Variants in NEGR1 observed in about 807,000 individuals in gnomAD.
The protein encoded by NEGR1 is IgLON family member 4.
A neutral mutation model predicts 40.9 loss-of-function variants in NEGR1; 10 were observed. The ratio of observed to expected loss-of-function variants is 0.24; its 90% CI spans 0.15 to 0.42. NEGR1 has a LOEUF of 0.42. Among genes scored for constraint, NEGR1 ranks in the 10% least tolerant of loss-of-function variants. The pLI, the probability that NEGR1 is intolerant of heterozygous loss-of-function variation, is 1.00. For synonymous variants in NEGR1, 185 were observed against 166.8 expected, an observed-to-expected ratio of 1.11 and a Z score of -0.84; for missense variants, 352 against 438.9, an observed-to-expected ratio of 0.80 and a Z score of 1.77.
At chr1:72,262,188 A>G (rs1321339783) in intron 1 of NEGR1, among the ~76,000 whole-genome samples, 1 of 151,980 alleles carries the variant, frequency 6.6e-6, no homozygotes, top group Non-Finnish European at 1.5e-5. Context: ...AGTGGCCAAC[A>G]AAGCCAGAAT....
chr1:72,025,116 T>C (rs1468796669), intron 1 of NEGR1, among the ~76,000 whole-genome samples: 1 of 152,204 alleles, frequency 6.6e-6, no homozygotes, highest in East Asian at 1.9e-4. Flanking sequence ...TTTTAAGGAA[T>C]ACTTTTCAGT....
intron 6 of NEGR1, among the ~76,000 whole-genome samples, chr1:71,451,947 T>G (rs1306998161): frequency 4.6e-5 from 7 of 152,162 alleles, no homozygotes; most frequent in Admixed American, 2.6e-4. Context: ...GTTACATACT[T>G]TTGCACCCAC....
intron 1 of NEGR1, among the ~76,000 whole-genome samples, chr1:72,154,043 T>C (rs1393141699): frequency 6.6e-6 from 1 of 151,658 alleles, no homozygotes; most frequent in African/African-American, 2.4e-5. Flanking sequence ...GTTGAATGAG[T>C]GGAGACAGCA....
intron 6 of NEGR1, among the ~76,000 whole-genome samples, chr1:71,494,184 G>A (rs1266691720): frequency 2.0e-5 from 3 of 152,154 alleles, no homozygotes; most frequent in Non-Finnish European, 4.4e-5. Flanking sequence ...CACTTAACAA[G>A]GTGATTTATG....
At chr1:71,765,248 A>G (rs1656081638) in intron 3 of NEGR1, among the ~76,000 whole-genome samples, 1 of 152,142 alleles carries the variant, frequency 6.6e-6, no homozygotes, top group South Asian at 2.1e-4. Flanking sequence ...AACTTGAATG[A>G]ATTGGGCTAC....
chr1:71,959,726 A>G (rs967692312), intron 1 of NEGR1, among the ~76,000 whole-genome samples: 5 of 151,988 alleles, frequency 3.3e-5, no homozygotes, highest in African/African-American at 1.2e-4. Flanking sequence ...ACTTCTATGT[A>G]TTTTTTCATA....
At chr1:72,217,981 A>C (rs189018695) in intron 1 of NEGR1, among the ~76,000 whole-genome samples, 9 of 151,978 alleles carry the variant, frequency 5.9e-5, no homozygotes, top group African/African-American at 1.7e-4. Flanking sequence ...TGAGTAATTT[A>C]TAGTTTTAAT....
intron 1 of NEGR1, among the ~76,000 whole-genome samples, chr1:72,197,417 C>A (rs959528478): frequency 6.6e-6 from 1 of 151,910 alleles, no homozygotes; most frequent in Non-Finnish European, 1.5e-5. Flanking sequence ...ATATTTTGAA[C>A]TTTGCAAAAA....
At chr1:71,992,892 G>T (rs1646467959) in intron 1 of NEGR1, among the ~76,000 whole-genome samples, 1 of 152,100 alleles carries the variant, frequency 6.6e-6, no homozygotes, top group Non-Finnish European at 1.5e-5. Context: ...TACTTTTAAA[G>T]AATTAACCTT....
chr1:72,201,667 T>G (rs543837348), intron 1 of NEGR1, among the ~76,000 whole-genome samples: 1 of 151,502 alleles, frequency 6.6e-6, no homozygotes, highest in Admixed American at 6.6e-5. Context: ...GATGTTAAAA[T>G]GTGGTGGGGG....
intron 1 of NEGR1, among the ~76,000 whole-genome samples, chr1:72,041,152 C>T (rs1450161310): frequency 6.6e-6 from 1 of 151,870 alleles, no homozygotes; most frequent in East Asian, 1.9e-4. Context: ...TATATGTATG[C>T]CAATTTAGGG....
chr1:72,074,028 C>A (rs768027233), intron 1 of NEGR1, among the ~76,000 whole-genome samples: 1 of 151,984 alleles, frequency 6.6e-6, no homozygotes, highest in Non-Finnish European at 1.5e-5. Flanking sequence ...TTCATCAATT[C>A]TATGATACGC....
chr1:71,508,323 C>A (rs188778396), intron 6 of NEGR1, among the ~76,000 whole-genome samples: 78 of 152,122 alleles, frequency 5.1e-4, no homozygotes, highest in African/African-American at 1.8e-3. Context: ...AGAAAAGAGA[C>A]CCCAGGAGGG....
chr1:71,556,978 A>C (rs1323280479), intron 6 of NEGR1, among the ~76,000 whole-genome samples: 2 of 151,620 alleles, frequency 1.3e-5, no homozygotes, highest in Non-Finnish European at 3.0e-5. Context: ...TGGAGATTGC[A>C]TTTTGCAAAG....
intron 1 of NEGR1, among the ~76,000 whole-genome samples, chr1:72,155,179 T>C (rs536081396): frequency 1.1e-4 from 17 of 152,146 alleles, no homozygotes; most frequent in Admixed American, 3.9e-4. Context: ...CTTTTCATCA[T>C]TGATAAAACC....
chr1:71,565,940 T>C (rs1648607409), intron 6 of NEGR1, among the ~76,000 whole-genome samples: 1 of 152,128 alleles, frequency 6.6e-6, no homozygotes, highest in Non-Finnish European at 1.5e-5. Flanking sequence ...TGCCCTAATT[T>C]AAAACAATGT....
At chr1:71,609,077 C>A (rs146046202) in intron 5 of NEGR1, among the ~76,000 whole-genome samples, 233 of 152,076 alleles carry the variant, frequency 1.5e-3, no homozygotes, top group African/African-American at 5.4e-3. Context: ...AATATGGAGT[C>A]TTCTACTAAG....
chr1:71,413,146 G>T (rs182300573), intron 6 of NEGR1, among the ~76,000 whole-genome samples: 17 of 152,264 alleles, frequency 1.1e-4, no homozygotes, highest in Admixed American at 9.8e-4. Flanking sequence ...TTGCAAATGA[G>T]GATTGGTAGT....
chr1:71,522,866 A>C (rs12760054), intron 6 of NEGR1, among the ~76,000 whole-genome samples: 10,305 of 151,890 alleles, frequency 0.068, 396 homozygotes, highest in South Asian at 0.091. Context: ...TACAATAAAA[A>C]ACAATAAGTA....
Sources: allele counts gnomAD v4.1 joint callset (sites outside exome capture counted in the v4.1 genomes callset), GRCh38; gene constraint gnomAD v4.1.1; transcripts MANE v1.5; gene names NCBI Gene and HGNC (gene_info 2026-07-23, HGNC 2026-07-21).